Variants in NTM observed in about 807,000 individuals in gnomAD.
The protein encoded by NTM is neurotrimin.
NTM carries 13 observed loss-of-function variants against 42.1 expected under a neutral mutation model. That is an observed-to-expected ratio of 0.31 (90% confidence interval 0.20 to 0.49). The LOEUF is 0.49. Ranked by LOEUF, NTM falls within the 20% of genes least tolerant of loss-of-function variation. The pLI is 0.99. For missense variants in NTM, 373 were observed against 452.8 expected, an observed-to-expected ratio of 0.82 and a Z score of 1.60; for synonymous variants, 187 against 179.2, an observed-to-expected ratio of 1.04 and a Z score of -0.35.
chr11:131,798,911 G>A lies in NTM; in HGVS notation c.83-112653G>A, dbSNP rs574570173. ...TTGTTCAGTGATATCTCCCCTATTC[G>A]ATCGCTATGGTCCATGACAGGAGAG... is the stretch of plus-strand genomic sequence containing the variant. On this transcript the variant is annotated intron_variant, in intron 1 of 8. Transcript: ENST00000683400. Among the ~76,000 whole-genome samples, 7 of 152,158 alleles carry A rather than the reference G, an allele frequency of 4.6e-5. No homozygotes were observed. In the South Asian group the frequency reaches 6.2e-4, roughly 14 times the overall value.
intron 1 of NTM, among the ~76,000 whole-genome samples, chr11:131,554,467 T>C (rs1331503893): frequency 2.7e-5 from 4 of 150,200 alleles, no homozygotes; most frequent in African/African-American, 9.8e-5. Flanking sequence ...TAACAATTTA[T>C]AAATAAGTAT....
At chr11:131,900,203 A>T (rs1384696976) in intron 1 of NTM, among the ~76,000 whole-genome samples, 1 of 152,242 alleles carries the variant, frequency 6.6e-6, no homozygotes, top group Admixed American at 6.5e-5. Flanking sequence ...CTAGGCAGGA[A>T]GTGGAACATG....
At chr11:131,884,733 T>A (rs1436708935) in intron 1 of NTM, among the ~76,000 whole-genome samples, 1 of 152,188 alleles carries the variant, frequency 6.6e-6, no homozygotes, top group African/African-American at 2.4e-5. Flanking sequence ...CGCCATCCTA[T>A]CTTGAGCTGG....
At chr11:131,764,551 C>T (rs2084799352) in intron 1 of NTM, among the ~76,000 whole-genome samples, 1 of 152,204 alleles carries the variant, frequency 6.6e-6, no homozygotes, top group South Asian at 2.1e-4. Context: ...GGCTCTGCCA[C>T]TAACTGGGTG....
intron 2 of NTM, among the ~76,000 whole-genome samples, chr11:132,141,633 G>A (rs1230637262): frequency 1.3e-5 from 2 of 152,092 alleles, no homozygotes; most frequent in South Asian, 2.1e-4. Flanking sequence ...ATTGACACAG[G>A]TGGGGCACCC....
At chr11:132,028,625 C>G (rs1017738433) in intron 2 of NTM, among the ~76,000 whole-genome samples, 40 of 152,034 alleles carry the variant, frequency 2.6e-4, no homozygotes, top group African/African-American at 9.7e-4. Flanking sequence ...AGCCTGTGCC[C>G]CTGCGCCGTG....
chr11:131,549,427 T>G (rs576247269), intron 1 of NTM, among the ~76,000 whole-genome samples: 28 of 152,306 alleles, frequency 1.8e-4, no homozygotes, highest in Non-Finnish European at 2.5e-4. Flanking sequence ...AAATTAAAAA[T>G]TTTTTAGACA....
At chr11:131,958,941 A>C (rs2061838540) in intron 2 of NTM, among the ~76,000 whole-genome samples, 1 of 152,180 alleles carries the variant, frequency 6.6e-6, no homozygotes, top group African/African-American at 2.4e-5. Flanking sequence ...ATTTTACCCT[A>C]CTTTCAGGCA....
chr11:132,314,896 G>T, intron 7 of NTM, 193 bp downstream of exon 7: 1 of 1,350,816 alleles, frequency 7.4e-7, no homozygotes, highest in South Asian at 2.2e-5. Flanking sequence ...GAGGCAGACA[G>T]AAAGAGAAAG....
chr11:131,855,573 T>C (rs1265637315), intron 1 of NTM, among the ~76,000 whole-genome samples: 1 of 152,248 alleles, frequency 6.6e-6, no homozygotes, highest in African/African-American at 2.4e-5. Flanking sequence ...TTTCCTGTTA[T>C]TGCCAAATCT....
chr11:132,163,279 A>G (rs896791349), intron 3 of NTM, among the ~76,000 whole-genome samples: 2 of 152,210 alleles, frequency 1.3e-5, no homozygotes, highest in Non-Finnish European at 2.9e-5. Context: ...GTCCTTTCCT[A>G]GGGCACAATG....
At chr11:131,389,525 C>T (rs1943751485) in intron 1 of NTM, among the ~76,000 whole-genome samples, 1 of 152,220 alleles carries the variant, frequency 6.6e-6, no homozygotes, top group Non-Finnish European at 1.5e-5. Flanking sequence ...GCAATCCACC[C>T]AGGCTTCTAG....
At chr11:131,668,049 G>A (rs567222703) in intron 1 of NTM, among the ~76,000 whole-genome samples, 9 of 152,204 alleles carry the variant, frequency 5.9e-5, no homozygotes, top group African/African-American at 2.2e-4. Flanking sequence ...CCTATTTTGT[G>A]GTTGAGAAGC....
chr11:132,241,930 G>A (rs1211037093), intron 4 of NTM, among the ~76,000 whole-genome samples: 2 of 152,210 alleles, frequency 1.3e-5, no homozygotes, highest in Non-Finnish European at 1.5e-5. Flanking sequence ...TGTGATGGTC[G>A]CAGTATGTGT....
chr11:131,748,008 A>G (rs2082031041), intron 1 of NTM, among the ~76,000 whole-genome samples: 2 of 152,152 alleles, frequency 1.3e-5, no homozygotes, highest in African/African-American at 4.8e-5. Flanking sequence ...CTTCAGTATT[A>G]CCTGATACAT....
chr11:131,635,903 A>G (rs375552434), intron 1 of NTM, among the ~76,000 whole-genome samples: 20 of 152,350 alleles, frequency 1.3e-4, no homozygotes, highest in Middle Eastern at 3.4e-3. Flanking sequence ...ATATTTAGAT[A>G]CATGAATATT....
intron 1 of NTM, among the ~76,000 whole-genome samples, chr11:131,475,009 T>G (rs1338713227): frequency 6.6e-6 from 1 of 152,170 alleles, no homozygotes; most frequent in African/African-American, 2.4e-5. Context: ...TCATGCCACT[T>G]GTAATTACCC....
chr11:132,240,071 A>G lies in NTM; in HGVS notation c.526+27924A>G, dbSNP rs993181242. Among the ~76,000 whole-genome samples the G allele has an allele frequency of 4.0e-5, 6 of 151,828 alleles. No homozygotes were observed. In the South Asian group the frequency reaches 1.0e-3, roughly 26 times the overall value. Reference sequence around the variant, plus strand: ...CATCCCTCCATCCCTCCATCCGTCCATCCATCCATCCATCCATCCATCCAC... The same window carrying G: ...CATCCCTCCATCCCTCCATCCGTCCGTCCATCCATCCATCCATCCATCCAC... On this transcript the variant is annotated intron_variant, in intron 4 of 8. Coordinates refer to ENST00000683400, the MANE Select transcript of NTM (RefSeq NM_001352005.2).
intron 2 of NTM, among the ~76,000 whole-genome samples, chr11:132,142,844 C>T (rs187214113): frequency 7.2e-5 from 11 of 152,256 alleles, no homozygotes; most frequent in African/African-American, 2.6e-4. Flanking sequence ...CCCTGTAGTG[C>T]GGTGCAGTGT....
Sources: allele counts gnomAD v4.1 joint callset (sites outside exome capture counted in the v4.1 genomes callset), GRCh38; gene constraint gnomAD v4.1.1; transcripts MANE v1.5; gene names NCBI Gene and HGNC (gene_info 2026-07-23, HGNC 2026-07-21).